SLF1: variants seen among roughly 807,000 people sequenced by gnomAD.
SLF1 encodes the protein SMC5/6 complex localization factor 1.
In SLF1, 105 loss-of-function variants were observed where a neutral mutation model predicts 123.0. The observed-to-expected ratio is 0.85, with a 90% CI of 0.73 to 1.00. SLF1 has a LOEUF of 1.00. Ranked by LOEUF, SLF1 falls within the 50% of genes least tolerant of loss-of-function variation. The probability of loss-of-function intolerance (pLI) is 0.00; values close to 1 mark genes in which losing one functional copy is unlikely to be tolerated. For missense variants in SLF1, 1,239 were observed against 1,223.0 expected (o/e 1.01, Z -0.20); for synonymous variants, 434 against 406.6 (o/e 1.07, Z -0.81).
At chr5:94,665,391 A>G (rs889670061) in intron 11 of SLF1, among the ~76,000 whole-genome samples, 1 of 152,078 alleles carries the variant, frequency 6.6e-6, no homozygotes, top group African/African-American at 2.4e-5. Flanking sequence ...GCTTTATTTA[A>G]TTAGCTAAAC....
chr5:94,669,490 A>G (rs1461431165), intron 12 of SLF1, among the ~76,000 whole-genome samples: 5 of 152,098 alleles, frequency 3.3e-5, no homozygotes, highest in African/African-American at 9.7e-5. Flanking sequence ...TTAGAAATAT[A>G]TTATAGAAGT....
intron 12 of SLF1, 105 bp from the exon 13 acceptor site, chr5:94,670,046 A>C (rs1409708052): frequency 8.6e-7 from 1 of 1,163,364 alleles, no homozygotes. Context: ...TTTTAAGAAA[A>C]TTTTATTAAA....
chr5:94,665,965 G>A lies in SLF1; in HGVS notation c.1473G>A (p.Glu491=), dbSNP rs1341155131. ...KSPAMSRYYL[E]LFQCPTCMKG... ...CAGCCATGTCGAGATATTATTTAGA[G>A]TTGTTTCAGTGTCCAACTTGTATGA... Residue 491 remains glutamate, a synonymous_variant, in exon 12 of 21, where the codon GAG becomes GAA. Transcript: ENST00000265140. 6.4e-7 allele frequency: 1 copy of A among 1,551,318 alleles called. No individual in the cohort carries two copies. Among genetic ancestry groups the A allele is most frequent in the African/African-American group, 1.4e-5 (1 of 73,038 alleles).
intron 5 of SLF1, among the ~76,000 whole-genome samples, chr5:94,647,218 G>A (rs1236303624): frequency 6.6e-6 from 1 of 152,134 alleles, no homozygotes; most frequent in Non-Finnish European, 1.5e-5. Flanking sequence ...TACCATAAAC[G>A]AATATCTAGT....
rs1033280739 is a variant in SLF1, at chr5:94,678,928, G to A, written c.1948G>A (p.Gly650Arg). 1.2e-6 allele frequency: 2 copies of A among 1,613,194 alleles called. No homozygotes were observed. The highest frequency in any genetic ancestry group is 1.3e-5 in the African/African-American group (1 of 75,000). The change falls in exon 15 of 21, where the codon GGA (glycine) becomes AGA (arginine). Residue 650 changes from glycine to arginine, a missense_variant. By Grantham distance (125) the Gly-to-Arg change is moderately radical (BLOSUM62 -2). Coordinates refer to ENST00000265140, the MANE Select transcript of SLF1 (RefSeq NM_032290.4). ...NVMRHMSDDL[G>R]SYVSLSCDDF... ...GATGCGACACATGTCTGATGACTTA[G>A]GAAGTTATGTTTCTCTTTCGTGTGA...
chr5:94,637,539 A>G (rs1054481415), intron 4 of SLF1, among the ~76,000 whole-genome samples: 1 of 152,040 alleles, frequency 6.6e-6, no homozygotes, highest in South Asian at 2.1e-4. Flanking sequence ...CCCAAGATTA[A>G]GTAGAATTGC....
Position 94,636,466 on chromosome 5 carries a change from C to T in SLF1, c.431+5723C>T, listed in dbSNP as rs554891423. Among the ~76,000 whole-genome samples, 8 of 152,078 alleles carry T rather than the reference C, an allele frequency of 5.3e-5. No homozygotes were observed. The East Asian group carries it at 9.7e-4, about 18-fold the overall frequency. Reference sequence around the variant, plus strand: ...CTTCATCCTTTGGGTTTTTTTGCTTCGCTGACTGGAAAATTTCAAACGTAC... The same window carrying T: ...CTTCATCCTTTGGGTTTTTTTGCTTTGCTGACTGGAAAATTTCAAACGTAC... On this transcript the variant is annotated intron_variant, in intron 4 of 20. Transcript: ENST00000265140.
At chr5:94,688,989 CAT>C (rs1483019311) in intron 17 of SLF1, among the ~76,000 whole-genome samples, 1 of 151,812 alleles carries the variant, frequency 6.6e-6, no homozygotes, top group Non-Finnish European at 1.5e-5. Context: ...AATGCATGGT[CAT>C]ATGAGATATC....
chr5:94,619,008 C>T (rs889437537), intron 1 of SLF1, among the ~76,000 whole-genome samples: 2 of 152,108 alleles, frequency 1.3e-5, no homozygotes, highest in East Asian at 1.9e-4. Flanking sequence ...ACGCTTCGCC[C>T]GTGCCGCTGC....
chr5:94,667,638 T>G (rs950577061), intron 12 of SLF1, among the ~76,000 whole-genome samples: 1 of 152,266 alleles, frequency 6.6e-6, no homozygotes, highest in African/African-American at 2.4e-5. Context: ...AGCCCTTATA[T>G]ATGTCTCAGT....
At chr5:94,619,603 TA>T (rs1561409524) in intron 1 of SLF1, among the ~76,000 whole-genome samples, 5 of 142,962 alleles carry the variant, frequency 3.5e-5, no homozygotes, top group African/African-American at 1.3e-4. Flanking sequence ...ATGACTTTAT[TA>T]AAAAATTTTG....
intron 6 of SLF1, among the ~76,000 whole-genome samples, chr5:94,651,449 CATT>C (rs539358987): frequency 2.0e-5 from 3 of 152,262 alleles, no homozygotes; most frequent in African/African-American, 4.8e-5. Flanking sequence ...TTGTAATACT[CATT>C]AATCGGAATT....
rs779429644 is a variant in SLF1, at chr5:94,688,633, C to A, written c.2249C>A (p.Thr750Asn). 2 of 1,614,072 alleles carry A rather than the reference C, an allele frequency of 1.2e-6. No individual in the cohort carries two copies. Among genetic ancestry groups the A allele is most frequent in the Non-Finnish European group, 8.5e-7 (1 of 1,179,972 alleles). Residue 750 changes from threonine to asparagine, a missense_variant, in exon 17 of 21, where the codon ACT (threonine) becomes AAT (asparagine). Coordinates refer to ENST00000265140, the MANE Select transcript of SLF1 (RefSeq NM_032290.4). ...AGAACCTTACTAATGCTGAATGGTACTAAACAAAAACAAGTCGAAGGGCTG... is the reference window on the plus strand; with the variant it reads ...AGAACCTTACTAATGCTGAATGGTAATAAACAAAAACAAGTCGAAGGGCTG... ...SQRTLLMLNG[T>N]KQKQVEGLPE... is the part of the protein sequence containing the mutation.
chr5:94,624,557 C>A (rs1352460793), intron 1 of SLF1, among the ~76,000 whole-genome samples: 1 of 151,932 alleles, frequency 6.6e-6, no homozygotes, highest in African/African-American at 2.4e-5. Flanking sequence ...TGTAAAATAG[C>A]TATTAACATG....
At chr5:94,664,381 A>G (rs1414635563) in intron 11 of SLF1, among the ~76,000 whole-genome samples, 1 of 152,098 alleles carries the variant, frequency 6.6e-6, no homozygotes, top group Non-Finnish European at 1.5e-5. Context: ...TGTGGCCTCA[A>G]CCTCCTGGGC....
intron 4 of SLF1, among the ~76,000 whole-genome samples, chr5:94,639,299 C>T (rs997392238): frequency 1.3e-5 from 2 of 152,184 alleles, no homozygotes; most frequent in Non-Finnish European, 2.9e-5. Flanking sequence ...CTTGGCCTCC[C>T]AAAGTGCTGG....
intron 14 of SLF1, among the ~76,000 whole-genome samples, chr5:94,678,210 G>A (rs1260380947): frequency 2.6e-5 from 4 of 152,022 alleles, no homozygotes; most frequent in Non-Finnish European, 5.9e-5. Context: ...GTGAGCCACC[G>A]CGCCCGGCCA....
At chr5:94,634,699 T>C (rs556682837) in intron 4 of SLF1, among the ~76,000 whole-genome samples, 4 of 152,182 alleles carry the variant, frequency 2.6e-5, no homozygotes, top group Admixed American at 2.0e-4. Flanking sequence ...AACTAGGGAA[T>C]ACCAGGGCTC....
In SLF1 at chr5:94,688,542, G is replaced by T; in HGVS notation, c.2158G>T (p.Val720Leu). Residue 720 changes from valine to leucine, a missense_variant, in exon 17 of 21, where the codon GTG (valine) becomes TTG (leucine). Coordinates refer to ENST00000265140, the MANE Select transcript of SLF1 (RefSeq NM_032290.4). ...TTTACCAGCCTTGGGGAAAACTGGT[G>T]TGCTTGGGTCTGGAAAGATTCAGGT... Reference protein sequence around the residue: ...SYLPALGKTGVLGSGKIQVSK... With the variant: ...SYLPALGKTGLLGSGKIQVSK... 1 of 1,614,050 alleles carries T rather than the reference G, an allele frequency of 6.2e-7. No individual in the cohort carries two copies. Among genetic ancestry groups the T allele is most frequent in the Non-Finnish European group, 8.5e-7 (1 of 1,179,954 alleles).
Sources: gnomAD v4.1 joint callset for allele counts (sites outside exome capture counted in the v4.1 genomes callset) on GRCh38, gnomAD v4.1.1 for gene constraint, MANE v1.5 for transcripts, NCBI Gene and HGNC (gene_info 2026-07-23, HGNC 2026-07-21) for gene names.